Variants in CADM1 observed in about 807,000 individuals in gnomAD.
The protein encoded by CADM1 is cell adhesion molecule 1, also known as TSLC-1.
Under a neutral mutation model 53.1 loss-of-function variants are expected in CADM1, and 15 were observed. The ratio of observed to expected loss-of-function variants is 0.28; its 90% CI spans 0.19 to 0.44. The LOEUF is 0.44. Ranked by LOEUF, CADM1 falls within the 20% of genes least tolerant of loss-of-function variation. The pLI, the probability that CADM1 is intolerant of heterozygous loss-of-function variation, is 1.00. For missense variants in CADM1, 434 were observed against 611.3 expected (o/e 0.71, Z 3.06); for synonymous variants, 281 against 243.0 (o/e 1.16, Z -1.45).
intron 1 of CADM1, among the ~76,000 whole-genome samples, chr11:115,410,474 G>T (rs1203607572): frequency 6.6e-6 from 1 of 152,064 alleles, no homozygotes; most frequent in Non-Finnish European, 1.5e-5. Context: ...AATAAACAAA[G>T]TCTAGAGGCA....
At chr11:115,386,163 G>A (rs1378705471) in intron 1 of CADM1, among the ~76,000 whole-genome samples, 2 of 152,216 alleles carry the variant, frequency 1.3e-5, no homozygotes, top group Non-Finnish European at 2.9e-5. Flanking sequence ...ACTGTTGTGA[G>A]TCCATCATTC....
At chr11:115,242,512 G>A (rs535349207) in intron 1 of CADM1, among the ~76,000 whole-genome samples, 23 of 152,172 alleles carry the variant, frequency 1.5e-4, no homozygotes, top group African/African-American at 4.1e-4. Flanking sequence ...TGCTGGCCCT[G>A]GCAAAAGTGT....
At chr11:115,317,876 G>A (rs923093074) in intron 1 of CADM1, among the ~76,000 whole-genome samples, 2 of 152,156 alleles carry the variant, frequency 1.3e-5, no homozygotes, top group East Asian at 3.9e-4. Context: ...AATGGCATAA[G>A]GCCAAGTAAT....
Position 115,175,404 on chromosome 11 carries a change from A to G in CADM1, c.*1070T>C. 10 of 984,890 alleles carry G rather than the reference A, an allele frequency of 1.0e-5. No homozygotes were observed. Among genetic ancestry groups the G allele is most frequent in the Non-Finnish European group, 1.2e-5 (10 of 829,720 alleles). 61.0% of individuals were successfully genotyped at this position (984,890 alleles called of 1,614,324 possible). ...AAAAAAAAAAAATCAACTCTGTCCC[A>G]TTCAGTCATTCGCACAACAGACGAA... On this transcript the variant is annotated 3_prime_UTR_variant, in exon 12 of 12. Transcript: ENST00000331581.
intron 1 of CADM1, among the ~76,000 whole-genome samples, chr11:115,340,626 T>TTATATACATATATA (rs1555069218): frequency 1.0e-4 from 5 of 48,248 alleles, no homozygotes; most frequent in African/African-American, 4.8e-4. Flanking sequence ...ATAATAAATA[T>TTATATACATATATA]TATATATATA....
At chr11:115,308,324 T>C (rs1233991737) in intron 1 of CADM1, among the ~76,000 whole-genome samples, 1 of 151,678 alleles carries the variant, frequency 6.6e-6, no homozygotes, top group African/African-American at 2.4e-5. Context: ...GAAACCCAAC[T>C]TGCTTTCTAG....
intron 1 of CADM1, among the ~76,000 whole-genome samples, chr11:115,280,537 C>A (rs2135076097): frequency 6.6e-6 from 1 of 152,292 alleles, no homozygotes; most frequent in Admixed American, 6.5e-5. Flanking sequence ...GTTAGTCCTA[C>A]CGAATGAACT....
intron 1 of CADM1, among the ~76,000 whole-genome samples, chr11:115,277,436 T>G (rs1943475211): frequency 6.6e-6 from 1 of 152,226 alleles, no homozygotes; most frequent in African/African-American, 2.4e-5. Context: ...TTATGGGGAC[T>G]ATTCCACTAA....
chr11:115,206,393 C>A (rs1238511839), intron 8 of CADM1, among the ~76,000 whole-genome samples: 5 of 152,134 alleles, frequency 3.3e-5, no homozygotes, highest in Admixed American at 6.5e-5. Flanking sequence ...GCCCTGTGCT[C>A]CCACCCATGA....
chr11:115,344,848 A>T (rs551752468), intron 1 of CADM1, among the ~76,000 whole-genome samples: 2 of 152,240 alleles, frequency 1.3e-5, no homozygotes, highest in Admixed American at 1.3e-4. Context: ...AGTCATCCTC[A>T]ATGTTTCCCC....
At chr11:115,336,579 C>T (rs1304159404) in intron 1 of CADM1, among the ~76,000 whole-genome samples, 2 of 152,138 alleles carry the variant, frequency 1.3e-5, no homozygotes, top group Non-Finnish European at 2.9e-5. Flanking sequence ...ATTATACCTA[C>T]TCTTGGTTTC....
chr11:115,237,778 T>G (rs189706249), intron 3 of CADM1, among the ~76,000 whole-genome samples: 12 of 152,172 alleles, frequency 7.9e-5, no homozygotes, highest in African/African-American at 2.7e-4. Context: ...CATAGAAATA[T>G]CTGCTGACTA....
chr11:115,409,092 G>C (rs1947390272), intron 1 of CADM1, among the ~76,000 whole-genome samples: 1 of 152,140 alleles, frequency 6.6e-6, no homozygotes, highest in South Asian at 2.1e-4. Flanking sequence ...TTAAAATCCT[G>C]ATCTAGTGAG....
At chr11:115,456,131 T>C (rs796782865) in intron 1 of CADM1, among the ~76,000 whole-genome samples, 26 of 152,276 alleles carry the variant, frequency 1.7e-4, no homozygotes, top group African/African-American at 5.8e-4. Context: ...GAATCAAGTA[T>C]AGTAAAACAA....
At chr11:115,402,338 T>C (rs1565408590) in intron 1 of CADM1, among the ~76,000 whole-genome samples, 1 of 151,982 alleles carries the variant, frequency 6.6e-6, no homozygotes, top group South Asian at 2.1e-4. Context: ...GCCTAGCCAA[T>C]ATGGTGAAAC....
In CADM1 at chr11:115,428,809, G is replaced by A. The variant is rs536987010; in HGVS notation, c.124+75462C>T. 7.2e-5 allele frequency among the ~76,000 whole-genome samples: 11 copies of A among 151,902 alleles called. No homozygotes were observed. The South Asian group carries it at 1.2e-3, about 17-fold the overall frequency. On this transcript the variant is annotated intron_variant, in intron 1 of 11. Transcript: ENST00000331581. ...TGTGTGTGTGTGTGTACGTGTGTGC[G>A]CATATGAGCAGACTAGGAAATCCAG...
chr11:115,442,754 A>G lies in CADM1; in HGVS notation c.124+61517T>C, dbSNP rs140191770. ...AAAAGTAACTCTTGATATTATAACA[A>G]CTCTTACAAAAGGCTATTTGCTGCT... On this transcript the variant is annotated intron_variant, in intron 1 of 11. Transcript: ENST00000331581. 5.1e-3 allele frequency among the ~76,000 whole-genome samples: 780 copies of G among 152,226 alleles called. 1 individual carries two copies. The highest frequency in any genetic ancestry group is 6.8e-3 in the Middle Eastern group (2 of 294).
At chr11:115,209,794 G>C in intron 7 of CADM1, 137 bp from the exon 8 acceptor site, 2 of 1,013,640 alleles carry the variant, frequency 2.0e-6, no homozygotes, top group Non-Finnish European at 2.9e-6. Flanking sequence ...TTCTTTCCCT[G>C]CAAGATTTAT....
At chr11:115,318,464 T>C (rs1157467459) in intron 1 of CADM1, among the ~76,000 whole-genome samples, 1 of 152,322 alleles carries the variant, frequency 6.6e-6, no homozygotes, top group South Asian at 2.1e-4. Context: ...CATAATGTCC[T>C]ATTTGGGGAA....
Sources: gnomAD v4.1 joint callset for allele counts (sites outside exome capture counted in the v4.1 genomes callset) on GRCh38, gnomAD v4.1.1 for gene constraint, MANE v1.5 for transcripts, NCBI Gene and HGNC (gene_info 2026-07-23, HGNC 2026-07-21) for gene names.